The following OR51B5 variants were observed in gnomAD, a reference collection of about 807,000 sequenced individuals.
OR51B5 encodes olfactory receptor family 51 subfamily B member 5.
For missense variants in OR51B5, 456 were observed against 374.6 expected (o/e 1.22, Z -1.79); for synonymous variants, 186 against 144.8 (o/e 1.28, Z -2.04).
At chr11:5,352,134 T>G (rs1849103517) in intron 1 of OR51B5, 1 of 1,614,074 alleles carries the variant, frequency 6.2e-7, no homozygotes, top group African/African-American at 1.3e-5. Flanking sequence ...TGTTGGACTT[T>G]CTCATCATCT....
At chr11:5,492,694 T>C in intron 1 of OR51B5, among the ~76,000 whole-genome samples, 1 of 152,160 alleles carries the variant, frequency 6.6e-6, no homozygotes, top group East Asian at 1.9e-4. Context: ...GGGAGTACAG[T>C]GGCACAATCT....
intron 1 of OR51B5, chr11:5,422,908 A>C: frequency 1.2e-6 from 2 of 1,613,746 alleles, no homozygotes; most frequent in Non-Finnish European, 1.7e-6. Flanking sequence ...GGGCTGAGCG[A>C]CTCCGTGCCC....
intron 1 of OR51B5, among the ~76,000 whole-genome samples, chr11:5,382,389 G>T (rs1849621846): frequency 6.6e-6 from 1 of 152,118 alleles, no homozygotes; most frequent in Non-Finnish European, 1.5e-5. Flanking sequence ...TGGGCCAGGT[G>T]CTACCCACAA....
At chr11:5,390,370 C>A in intron 1 of OR51B5, 1 of 1,594,882 alleles carries the variant, frequency 6.3e-7, no homozygotes. Flanking sequence ...TTAAAAAGGC[C>A]AGTAAATGAG....
intron 1 of OR51B5, among the ~76,000 whole-genome samples, chr11:5,378,990 C>T (rs531309312): frequency 1.3e-5 from 2 of 151,278 alleles, no homozygotes; most frequent in South Asian, 4.2e-4. Context: ...ATAAATCATG[C>T]TGCTATAAAG....
chr11:5,440,223 A>T (rs924724349), intron 1 of OR51B5, among the ~76,000 whole-genome samples: 1 of 152,170 alleles, frequency 6.6e-6, no homozygotes, highest in Non-Finnish European at 1.5e-5. Context: ...TATTTTTGAT[A>T]AATTCTGTTT....
intron 1 of OR51B5, among the ~76,000 whole-genome samples, chr11:5,490,767 T>G (rs908066877): frequency 5.3e-5 from 8 of 152,236 alleles, no homozygotes; most frequent in African/African-American, 1.9e-4. Flanking sequence ...CAGATGACCA[T>G]GGACTTCCTT....
intron 1 of OR51B5, among the ~76,000 whole-genome samples, chr11:5,379,858 G>A (rs1318088310): frequency 6.6e-6 from 1 of 152,020 alleles, no homozygotes; most frequent in African/African-American, 2.4e-5. Context: ...CTCTCATCAT[G>A]TGATCTCCTT....
intron 1 of OR51B5, chr11:5,440,820 G>A (rs1195530018): frequency 1.2e-6 from 2 of 1,613,866 alleles, no homozygotes; most frequent in South Asian, 1.1e-5. Flanking sequence ...CTGTTCCTGG[G>A]ATATGATGAC....
At chr11:5,453,266 T>A (rs760191799) in intron 1 of OR51B5, 4 of 389,344 alleles carry the variant, frequency 1.0e-5, no homozygotes, top group Non-Finnish European at 1.8e-5. Flanking sequence ...TAGAGGGAAA[T>A]ATTAGCTCAG....
chr11:5,444,220 T>C (rs1223703800), intron 1 of OR51B5, among the ~76,000 whole-genome samples: 2 of 147,882 alleles, frequency 1.4e-5, no homozygotes, highest in African/African-American at 4.9e-5. Context: ...CCAGCTAAGA[T>C]TGACAACTAC....
At chr11:5,422,898 G>T in intron 1 of OR51B5, 1 of 1,614,012 alleles carries the variant, frequency 6.2e-7, no homozygotes, top group Middle Eastern at 1.6e-4. Context: ...ACAGCCACCT[G>T]GGCTGAGCGA....
At chr11:5,442,944 C>G (rs1267901765) in intron 1 of OR51B5, among the ~76,000 whole-genome samples, 1 of 152,130 alleles carries the variant, frequency 6.6e-6, no homozygotes, top group Non-Finnish European at 1.5e-5. Flanking sequence ...TACTATTTGT[C>G]CACAATTGTA....
intron 1 of OR51B5, among the ~76,000 whole-genome samples, chr11:5,484,255 G>T (rs1851468860): frequency 6.6e-6 from 1 of 152,136 alleles, no homozygotes; most frequent in Admixed American, 6.5e-5. Flanking sequence ...TAGGAAGGGT[G>T]CCTGTATTGT....
intron 1 of OR51B5, among the ~76,000 whole-genome samples, chr11:5,460,927 T>A (rs1384576809): frequency 6.6e-6 from 1 of 152,224 alleles, no homozygotes; most frequent in African/African-American, 2.4e-5. Flanking sequence ...TTCTGGCCTT[T>A]CGAGGTCAAG....
intron 1 of OR51B5, among the ~76,000 whole-genome samples, chr11:5,495,717 G>C (rs981723039): frequency 1.3e-5 from 2 of 152,174 alleles, no homozygotes; most frequent in Non-Finnish European, 2.9e-5. Flanking sequence ...ACAAAATAAT[G>C]ATAGTAAGTC....
intron 1 of OR51B5, among the ~76,000 whole-genome samples, chr11:5,500,359 A>G (rs1851700405): frequency 6.6e-6 from 1 of 152,216 alleles, no homozygotes; most frequent in Non-Finnish European, 1.5e-5. Context: ...TCTGATTTTC[A>G]GTTAAACTTA....
chr11:5,458,329 G>A lies in OR51B5; in HGVS notation n.84+47240C>T, dbSNP rs369051352. Among the ~76,000 whole-genome samples, 5 of 152,076 alleles carry A rather than the reference G, an allele frequency of 3.3e-5. No homozygotes were observed. The South Asian group carries it at 1.0e-3, about 32-fold the overall frequency. On this transcript the variant is annotated intron_variant and non_coding_transcript_variant, in intron 1 of 4. Coordinates refer to the OR51B5 transcript ENST00000415970. ...TCTAACCTGTTCCATTTGTCTATTT[G>A]TACCAGTAAAATGCTGCTTTGCTTA... is the stretch of plus-strand genomic sequence containing the variant.
intron 1 of OR51B5, among the ~76,000 whole-genome samples, chr11:5,350,172 G>T (rs1849056312): frequency 6.6e-6 from 1 of 152,116 alleles, no homozygotes; most frequent in Non-Finnish European, 1.5e-5. Context: ...CTTACTTTGT[G>T]TCAAGAGAAT....
Sources: gnomAD v4.1 joint callset for allele counts (sites outside exome capture counted in the v4.1 genomes callset) on GRCh38, gnomAD v4.1.1 for gene constraint, MANE v1.5 for transcripts, NCBI Gene and HGNC (gene_info 2026-07-23, HGNC 2026-07-21) for gene names.